RAB31: variants seen among roughly 807,000 people sequenced by gnomAD.
The protein encoded by RAB31 is ras-related protein Rab-31.
In RAB31, 21 loss-of-function variants were observed where a neutral mutation model predicts 25.6. That is an observed-to-expected ratio of 0.82 (90% confidence interval 0.58 to 1.18). The LOEUF (loss-of-function observed/expected upper bound fraction) is 1.18. RAB31 is among the 50% of genes most tolerant of loss of function. The probability of loss-of-function intolerance (pLI) is 0.00; values close to 1 mark genes in which losing one functional copy is unlikely to be tolerated. For synonymous variants in RAB31, 87 were observed against 84.0 expected (o/e 1.04, Z -0.20); for missense variants, 196 against 250.1 (o/e 0.78, Z 1.46).
At chr18:9,713,855 G>C (rs900354560) in intron 1 of RAB31, among the ~76,000 whole-genome samples, 2 of 152,222 alleles carry the variant, frequency 1.3e-5, no homozygotes, top group African/African-American at 4.8e-5. Flanking sequence ...CCTTCTTGCT[G>C]TAACTTCACA....
In RAB31 at chr18:9,741,059, T is replaced by C. The variant is rs188361309; in HGVS notation, c.39+32615T>C. On this transcript the variant is annotated intron_variant, in intron 1 of 6. Coordinates refer to ENST00000578921, the MANE Select transcript of RAB31 (RefSeq NM_006868.4). Reference sequence around the variant, plus strand: ...GAGGCTGGTGACTCCTGTTGGGGCATTGTGTGCTGCATAGTGTAATAGGCA... The same window carrying C: ...GAGGCTGGTGACTCCTGTTGGGGCACTGTGTGCTGCATAGTGTAATAGGCA... 6.4e-3 allele frequency among the ~76,000 whole-genome samples: 967 copies of C among 152,076 alleles called. 7 individuals carry two copies. The highest frequency in any genetic ancestry group is 0.021 in the African/African-American group (871 of 41,490).
At chr18:9,772,956 T>A (rs1387972052) in intron 1 of RAB31, among the ~76,000 whole-genome samples, 1 of 152,208 alleles carries the variant, frequency 6.6e-6, no homozygotes, top group Non-Finnish European at 1.5e-5. Context: ...AATCCATACT[T>A]GAGGTGCAGC....
intron 3 of RAB31, among the ~76,000 whole-genome samples, chr18:9,806,353 C>T (rs1319759511): frequency 6.6e-6 from 1 of 152,056 alleles, no homozygotes; most frequent in Non-Finnish European, 1.5e-5. Context: ...TGCTATGGTC[C>T]AGATAGGGAT....
intron 3 of RAB31, among the ~76,000 whole-genome samples, chr18:9,803,126 A>G (rs548422621): frequency 6.6e-6 from 1 of 152,230 alleles, no homozygotes; most frequent in African/African-American, 2.4e-5. Context: ...CCCACGATAG[A>G]ACGTTTTTGT....
chr18:9,794,989 C>A (rs1276235516), intron 3 of RAB31, among the ~76,000 whole-genome samples: 3 of 152,126 alleles, frequency 2.0e-5, no homozygotes, highest in African/African-American at 7.2e-5. Flanking sequence ...CGACCTCAAA[C>A]TATACTATAA....
chr18:9,733,240 T>C (rs958079), intron 1 of RAB31, among the ~76,000 whole-genome samples: 99,261 of 152,082 alleles, frequency 0.65, 32,813 homozygotes, highest in African/African-American at 0.73. Flanking sequence ...GAGCTTAACA[T>C]GCAATATATT....
At chr18:9,848,273 T>C (rs915719393) in intron 6 of RAB31, among the ~76,000 whole-genome samples, 2 of 152,078 alleles carry the variant, frequency 1.3e-5, no homozygotes, top group African/African-American at 4.8e-5. Context: ...CATCTGCCTG[T>C]CTGTCTCTGT....
chr18:9,769,963 T>C (rs573065020), intron 1 of RAB31, among the ~76,000 whole-genome samples: 108 of 152,338 alleles, frequency 7.1e-4, no homozygotes, highest in African/African-American at 2.6e-3. Flanking sequence ...GTTTTTGTGA[T>C]TGGTTTTGTT....
At chr18:9,825,828 A>G (rs2068646997) in intron 5 of RAB31, among the ~76,000 whole-genome samples, 1 of 152,224 alleles carries the variant, frequency 6.6e-6, no homozygotes, top group African/African-American at 2.4e-5. Flanking sequence ...TCCTAAGCAA[A>G]TTAATCCAGG....
chr18:9,853,786 G>T (rs1423632353), intron 6 of RAB31, among the ~76,000 whole-genome samples: 1 of 151,846 alleles, frequency 6.6e-6, no homozygotes, highest in African/African-American at 2.4e-5. Flanking sequence ...ATGAGGAGAG[G>T]AAGGTATATG....
intron 1 of RAB31, among the ~76,000 whole-genome samples, chr18:9,718,049 C>T (rs2068053316): frequency 6.6e-6 from 1 of 151,906 alleles, no homozygotes; most frequent in African/African-American, 2.4e-5. Flanking sequence ...TGCCCACCAC[C>T]ACACTTGGAT....
intron 1 of RAB31, among the ~76,000 whole-genome samples, chr18:9,762,054 T>C (rs776541619): frequency 6.6e-6 from 1 of 152,138 alleles, no homozygotes; most frequent in Non-Finnish European, 1.5e-5. Context: ...GTGATCCACC[T>C]GCCTCGGCCT....
At chr18:9,709,007 G>T (rs1036471463) in intron 1 of RAB31, among the ~76,000 whole-genome samples, 3 of 152,332 alleles carry the variant, frequency 2.0e-5, no homozygotes, top group East Asian at 3.9e-4. Context: ...CCCAGCCAAG[G>T]GGGTGAAAGC....
intron 1 of RAB31, chr18:9,723,742 A>G (rs548651333): frequency 1.3e-5 from 2 of 152,206 alleles, no homozygotes; most frequent in Non-Finnish European, 2.9e-5. Flanking sequence ...GAGCAAAACC[A>G]AATAAGCCAG....
chr18:9,840,608 G>C (rs1209421587), intron 5 of RAB31, among the ~76,000 whole-genome samples: 1 of 152,100 alleles, frequency 6.6e-6, no homozygotes, highest in Non-Finnish European at 1.5e-5. Flanking sequence ...CATTTGTTCC[G>C]ACAGCAATTT....
intron 1 of RAB31, among the ~76,000 whole-genome samples, chr18:9,740,936 G>T (rs1014369338): frequency 2.0e-5 from 3 of 152,122 alleles, no homozygotes; most frequent in African/African-American, 7.2e-5. Flanking sequence ...ACACTGCAAT[G>T]CCTTCCTTGC....
chr18:9,840,186 C>T (rs1386721079), intron 5 of RAB31, among the ~76,000 whole-genome samples: 1 of 152,164 alleles, frequency 6.6e-6, no homozygotes, highest in Non-Finnish European at 1.5e-5. Flanking sequence ...GGATCTGCAT[C>T]CACACTTCCT....
chr18:9,717,723 A>G (rs1436345579), intron 1 of RAB31, among the ~76,000 whole-genome samples: 1 of 152,162 alleles, frequency 6.6e-6, no homozygotes, highest in Non-Finnish European at 1.5e-5. Context: ...ACGTACACAC[A>G]CAGACACACG....
chr18:9,782,651 C>G (rs868255448), intron 2 of RAB31, among the ~76,000 whole-genome samples: 1 of 151,886 alleles, frequency 6.6e-6, no homozygotes, highest in African/African-American at 2.4e-5. Flanking sequence ...GCCTCCTCCA[C>G]CAGTTTGGAG....
Sources: gnomAD v4.1 joint callset for allele counts (sites outside exome capture counted in the v4.1 genomes callset) on GRCh38, gnomAD v4.1.1 for gene constraint, MANE v1.5 for transcripts, NCBI Gene and HGNC (gene_info 2026-07-23, HGNC 2026-07-21) for gene names.